The following PDE11A variants were observed in gnomAD, a reference collection of about 807,000 sequenced individuals.
The protein encoded by PDE11A is phosphodiesterase 11A.
In PDE11A, 100 loss-of-function variants were observed where a neutral mutation model predicts 100.5. The ratio of observed to expected loss-of-function variants is 1.00; its 90% confidence interval spans 0.85 to 1.18. The LOEUF is 1.18. Among genes scored for constraint, PDE11A ranks in the 50% most tolerant of loss-of-function variants. The pLI, the probability that PDE11A is intolerant of heterozygous loss-of-function variation, is 0.00. For synonymous variants in PDE11A, 381 were observed against 420.8 expected (o/e 0.91, Z 1.16); for missense variants, 1,141 against 1,152.6 (o/e 0.99, Z 0.15).
intron 1 of PDE11A, among the ~76,000 whole-genome samples, chr2:178,031,140 A>G (rs2086542344): frequency 6.6e-6 from 1 of 152,208 alleles, no homozygotes; most frequent in East Asian, 1.9e-4. Context: ...TATTTTAAAA[A>G]TAACAGCAAC....
At chr2:177,647,480 C>T (rs1031598096) in intron 19 of PDE11A, among the ~76,000 whole-genome samples, 5 of 152,272 alleles carry the variant, frequency 3.3e-5, no homozygotes, top group Non-Finnish European at 2.9e-5. Context: ...AAATTTTTAG[C>T]TTATATTTGA....
chr2:177,760,970 T>C (rs1036195844), intron 10 of PDE11A, among the ~76,000 whole-genome samples: 3 of 152,136 alleles, frequency 2.0e-5, no homozygotes, highest in Non-Finnish European at 4.4e-5. Flanking sequence ...TATAGAACTA[T>C]ATAAAATAGT....
intron 19 of PDE11A, among the ~76,000 whole-genome samples, chr2:177,662,786 T>G (rs1483451182): frequency 3.3e-5 from 5 of 152,136 alleles, no homozygotes; most frequent in African/African-American, 1.2e-4. Context: ...ATGAATTTAT[T>G]TTTGTTATAG....
chr2:177,663,493 G>C (rs1008102306), intron 19 of PDE11A, among the ~76,000 whole-genome samples: 1 of 58,894 alleles, frequency 1.7e-5, no homozygotes, highest in Non-Finnish European at 4.4e-5. Context: ...AGCTGATCAA[G>C]TTTAAACGTT....
At chr2:177,998,774 G>A (rs1308999736) in intron 2 of PDE11A, 6 of 758,096 alleles carry the variant, frequency 7.9e-6, no homozygotes, top group African/African-American at 1.7e-5. Flanking sequence ...TCGGCATGGT[G>A]AGCGACAAGC....
chr2:178,007,136 GT>G (rs1274869527), intron 2 of PDE11A, among the ~76,000 whole-genome samples: 1 of 152,156 alleles, frequency 6.6e-6, no homozygotes, highest in Non-Finnish European at 1.5e-5. Flanking sequence ...AGAAGTGAAT[GT>G]TTTTTATTGA....
intron 6 of PDE11A, 42 bp from the exon 7 acceptor site, chr2:177,820,337 T>A: frequency 9.4e-7 from 1 of 1,067,730 alleles, no homozygotes. Context: ...GAATATTAAC[T>A]ATTCATTTTT....
intron 6 of PDE11A, among the ~76,000 whole-genome samples, chr2:177,821,065 G>T (rs1457317832): frequency 2.0e-5 from 3 of 151,828 alleles, no homozygotes; most frequent in Non-Finnish European, 4.4e-5. Flanking sequence ...AAAACAATAA[G>T]ATATGAAGGT....
intron 6 of PDE11A, 107 bp downstream of exon 6, chr2:177,840,144 G>A: frequency 1.7e-6 from 2 of 1,151,038 alleles, no homozygotes; most frequent in Non-Finnish European, 2.6e-6. Context: ...AGATCACAGG[G>A]GAAGGATGCA....
intron 13 of PDE11A, among the ~76,000 whole-genome samples, chr2:177,710,710 A>C (rs2081347482): frequency 6.6e-6 from 1 of 152,246 alleles, no homozygotes; most frequent in African/African-American, 2.4e-5. Flanking sequence ...CAGATTGGAC[A>C]GAGGGCACAA....
At chr2:177,909,975 C>T (rs1355301223) in intron 2 of PDE11A, among the ~76,000 whole-genome samples, 3 of 152,182 alleles carry the variant, frequency 2.0e-5, no homozygotes, top group East Asian at 1.9e-4. Context: ...GCCTTTGTCT[C>T]CGGTTTCTTT....
intron 2 of PDE11A, among the ~76,000 whole-genome samples, chr2:177,960,744 T>G (rs1316120991): frequency 6.6e-6 from 1 of 152,180 alleles, no homozygotes; most frequent in Non-Finnish European, 1.5e-5. Context: ...ACATAGCTAT[T>G]TAGAGAAAAT....
intron 2 of PDE11A, among the ~76,000 whole-genome samples, chr2:178,085,548 A>T (rs949883527): frequency 1.3e-5 from 2 of 151,992 alleles, no homozygotes; most frequent in African/African-American, 2.4e-5. Flanking sequence ...ATAAAAAAAA[A>T]AATAAACCTA....
intron 2 of PDE11A, among the ~76,000 whole-genome samples, chr2:177,970,578 A>C (rs113527212): frequency 6.6e-6 from 1 of 152,146 alleles, no homozygotes; most frequent in African/African-American, 2.4e-5. Context: ...CAGGGTATGT[A>C]GCATTTGAGA....
intron 6 of PDE11A, among the ~76,000 whole-genome samples, chr2:177,837,313 C>T (rs1490305277): frequency 6.6e-6 from 1 of 152,058 alleles, no homozygotes; most frequent in East Asian, 1.9e-4. Flanking sequence ...TCAAGTCAGC[C>T]CAGCAAACTG....
chr2:177,654,282 G>A (rs2080349761), intron 19 of PDE11A, among the ~76,000 whole-genome samples: 1 of 152,244 alleles, frequency 6.6e-6, no homozygotes, highest in South Asian at 2.1e-4. Context: ...CACTTTGGGA[G>A]GCCAAGGTGG....
At chr2:178,028,096 C>T (rs1574351867) in intron 1 of PDE11A, among the ~76,000 whole-genome samples, 1 of 152,254 alleles carries the variant, frequency 6.6e-6, no homozygotes, top group African/African-American at 2.4e-5. Flanking sequence ...TTCCCACCAA[C>T]CTTCCAGGTG....
At chr2:178,054,570 A>C (rs892583663) in intron 1 of PDE11A, among the ~76,000 whole-genome samples, 1 of 152,194 alleles carries the variant, frequency 6.6e-6, no homozygotes, top group Non-Finnish European at 1.5e-5. Flanking sequence ...CAACCTAAAG[A>C]ATGGGAGAAA....
chr2:177,859,038 T>C (rs932067507), intron 5 of PDE11A, among the ~76,000 whole-genome samples: 4 of 152,002 alleles, frequency 2.6e-5, no homozygotes, highest in African/African-American at 9.7e-5. Flanking sequence ...TAGGTGGGAA[T>C]TGAACAATGA....
Sources: gnomAD v4.1 joint callset for allele counts (sites outside exome capture counted in the v4.1 genomes callset) on GRCh38, gnomAD v4.1.1 for gene constraint, MANE v1.5 for transcripts, NCBI Gene and HGNC (gene_info 2026-07-23, HGNC 2026-07-21) for gene names.